The following TOR1AIP1 variants were observed in gnomAD, a reference collection of about 807,000 sequenced individuals.
TOR1AIP1 encodes the protein torsin 1A interacting protein 1.
A neutral mutation model predicts 63.3 loss-of-function variants in TOR1AIP1; 54 were observed. The observed-to-expected ratio is 0.85, with a 90% CI of 0.69 to 1.07. TOR1AIP1 has a LOEUF of 1.07. TOR1AIP1 is among the 50% of genes least tolerant of loss of function. TOR1AIP1 has a pLI of 0.00. For synonymous variants in TOR1AIP1, 294 were observed against 273.5 expected (o/e 1.07, Z -0.74); for missense variants, 736 against 715.0 (o/e 1.03, Z -0.33).
At chr1:179,884,900 C>G in intron 2 of TOR1AIP1, 131 bp downstream of exon 2, 1 of 587,324 alleles carries the variant, frequency 1.7e-6, no homozygotes, top group Non-Finnish European at 2.9e-6. Context: ...TACCAGCCAC[C>G]CATATAACCT....
chr1:179,898,843 C>T (rs974686252), intron 3 of TOR1AIP1, among the ~76,000 whole-genome samples: 1 of 151,608 alleles, frequency 6.6e-6, no homozygotes, highest in African/African-American at 2.4e-5. Flanking sequence ...GTACTTAATA[C>T]ACCAGAGTCT....
chr1:179,885,249 A>G (rs1398430285), intron 2 of TOR1AIP1, among the ~76,000 whole-genome samples: 1 of 152,240 alleles, frequency 6.6e-6, no homozygotes, highest in Non-Finnish European at 1.5e-5. Context: ...GCTATCGACT[A>G]TAAGAAACAC....
Position 179,911,933 on chromosome 1 carries a change from A to G in TOR1AIP1, c.908-2065A>G, listed in dbSNP as rs1388718358. Among the ~76,000 whole-genome samples, 4 of 148,050 alleles carry G rather than the reference A, an allele frequency of 2.7e-5. No homozygotes were observed. The East Asian group carries it at 5.9e-4, about 22-fold the overall frequency. ...GATGGTTGTAGAGTGATTGATTATC[A>G]CCATACTCTTTAGACTAGAAAAGCT... On this transcript the variant is annotated intron_variant, in intron 8 of 9. Transcript: ENST00000606911.
At chr1:179,901,179 A>C in intron 4 of TOR1AIP1, 123 bp from the exon 5 acceptor site, 1 of 504,366 alleles carries the variant, frequency 2.0e-6, no homozygotes. Flanking sequence ...AACAAACAGT[A>C]GTTCTATATC....
At chr1:179,909,929 A>G (rs1336430858) in intron 8 of TOR1AIP1, among the ~76,000 whole-genome samples, 1 of 152,044 alleles carries the variant, frequency 6.6e-6, no homozygotes, top group Non-Finnish European at 1.5e-5. Context: ...ATGCCCAGCT[A>G]ATATTTGTAC....
chr1:179,884,747 C>A lies in TOR1AIP1; in HGVS notation c.531C>A (p.Val177=). The part of the protein sequence containing the change: ...DLSQTISKKT[V]RSIQEAPVSE... ...GCCAAACGATCTCAAAGAAAACTGT[C>A]AGGAGCATACAAGAGGCTCCAGGTA... Residue 177 remains valine, a synonymous_variant, in exon 2 of 10, where the codon GTC becomes GTA. Transcript: ENST00000606911. The A allele has an allele frequency of 1.9e-6, 3 of 1,611,628 alleles. No individual in the cohort carries two copies. Among genetic ancestry groups the A allele is most frequent in the South Asian group, 1.1e-5 (1 of 90,498 alleles).
At chr1:179,903,267 A>G (rs1571731796) in intron 5 of TOR1AIP1, among the ~76,000 whole-genome samples, 2 of 152,210 alleles carry the variant, frequency 1.3e-5, no homozygotes, top group South Asian at 4.1e-4. Context: ...TTAAAAAAAA[A>G]GAAGAAGAAG....
chr1:179,887,103 A>C (rs946466933), intron 2 of TOR1AIP1, among the ~76,000 whole-genome samples: 3 of 152,236 alleles, frequency 2.0e-5, no homozygotes, highest in Admixed American at 2.0e-4. Flanking sequence ...AGATGCCCTT[A>C]CGAATAAAGA....
intron 4 of TOR1AIP1, chr1:179,900,565 TAAA>T (rs66464156): frequency 2.7e-4 from 40 of 145,502 alleles, no homozygotes; most frequent in Admixed American, 8.8e-4. Flanking sequence ...GCCCATCTCT[TAAA>T]AAAAAAAAAA....
At chr1:179,893,395 GC>G (rs1648169529) in intron 3 of TOR1AIP1, among the ~76,000 whole-genome samples, 2 of 152,016 alleles carry the variant, frequency 1.3e-5, no homozygotes, top group Admixed American at 1.3e-4. Context: ...CTTTCCTGCT[GC>G]CCCACTCTTG....
intron 3 of TOR1AIP1, among the ~76,000 whole-genome samples, chr1:179,893,268 A>C (rs1384371815): frequency 2.8e-5 from 4 of 143,728 alleles, no homozygotes; most frequent in Non-Finnish European, 4.4e-5. Flanking sequence ...AAACAAACAA[A>C]AAAAAAAAAG....
At position 179,883,056 on chromosome 1, in the gene TOR1AIP1, T is replaced by A. The variant is rs765892158; in HGVS notation, c.475+79T>A. The A allele has an allele frequency of 8.5e-6, 11 of 1,290,764 alleles. No homozygotes were observed. The South Asian group carries it at 1.1e-4, about 13-fold the overall frequency. The allele number at this position is 1,290,764 out of a possible 1,614,324, so 80.0% of individuals were successfully genotyped here. ...CGGGCGCGCGCCTCGGTGGAGCTCA[T>A]GCCCGCCTGGGTACTAAGTACTGGG... is the stretch of plus-strand genomic sequence containing the variant. On this transcript the variant is annotated intron_variant, in intron 1 of 9. Coordinates refer to ENST00000606911, the MANE Select transcript of TOR1AIP1 (RefSeq NM_015602.4).
At chr1:179,898,157 A>C (rs1648342311) in intron 3 of TOR1AIP1, among the ~76,000 whole-genome samples, 1 of 152,078 alleles carries the variant, frequency 6.6e-6, no homozygotes, top group Non-Finnish European at 1.5e-5. Flanking sequence ...AAGACTGATG[A>C]GGTGGTAGGA....
chr1:179,903,973 C>T lies in TOR1AIP1; in HGVS notation c.747C>T (p.Thr249=). ...SRDSDESGDK[T]TRSSSQYIES... is the part of the protein sequence containing the mutation. ...CTGTTTTTTATTTTTTAGATAAAACCACCAGATCATCTAGTCAATATATAG... is the reference window on the plus strand; with the variant it reads ...CTGTTTTTTATTTTTTAGATAAAACTACCAGATCATCTAGTCAATATATAG... The change falls in exon 6 of 10, where the codon ACC becomes ACT. Residue 249 remains threonine (T), a synonymous_variant. Transcript: ENST00000606911. 1 of 1,598,182 alleles carries T rather than the reference C, an allele frequency of 6.3e-7. No homozygotes were observed. Among genetic ancestry groups the T allele is most frequent in the Non-Finnish European group, 8.6e-7 (1 of 1,169,082 alleles).
At position 179,901,367 on chromosome 1, in the gene TOR1AIP1, A is replaced by G; in HGVS notation, c.718A>G (p.Arg240Gly). ...SSVTTVKARS[R>G]DSDESGDKTT... ...TGTCACTACTGTTAAGGCCAGATCC[A>G]GGGATTCTGATGAATCTGGAGGTAA... Residue 240 changes from arginine (R) to glycine (G), a missense_variant, in exon 5 of 10, where the codon AGG (arginine) becomes GGG (glycine). Coordinates refer to ENST00000606911, the MANE Select transcript of TOR1AIP1 (RefSeq NM_015602.4). 1 of 1,606,642 alleles carries G rather than the reference A, an allele frequency of 6.2e-7. No homozygotes were observed. The highest frequency in any genetic ancestry group is 8.5e-7 in the Non-Finnish European group (1 of 1,175,618).
intron 1 of TOR1AIP1, chr1:179,883,610 C>T (rs1454690788): frequency 6.6e-6 from 3 of 456,266 alleles, no homozygotes; most frequent in East Asian, 6.9e-5. Flanking sequence ...TGCTGTTTCT[C>T]CAGTGTGGTG....
At chr1:179,915,801 C>T (rs779714904) in intron 9 of TOR1AIP1, among the ~76,000 whole-genome samples, 11 of 152,106 alleles carry the variant, frequency 7.2e-5, no homozygotes, top group Non-Finnish European at 1.5e-4. Context: ...TGGGAGTTGT[C>T]AAGCTCATGG....
chr1:179,894,785 C>T (rs1184935954), intron 3 of TOR1AIP1, among the ~76,000 whole-genome samples: 1 of 152,108 alleles, frequency 6.6e-6, no homozygotes, highest in Non-Finnish European at 1.5e-5. Flanking sequence ...ATGTCTTTGT[C>T]CCCAGACAAA....
intron 5 of TOR1AIP1, among the ~76,000 whole-genome samples, chr1:179,902,965 G>A (rs941573667): frequency 4.0e-5 from 6 of 150,856 alleles, no homozygotes; most frequent in South Asian, 2.1e-4. Flanking sequence ...GTGATTGCGC[G>A]ATCGCACTTC....
Sources: allele counts gnomAD v4.1 joint callset (sites outside exome capture counted in the v4.1 genomes callset), GRCh38; gene constraint gnomAD v4.1.1; transcripts MANE v1.5; gene names NCBI Gene and HGNC (gene_info 2026-07-23, HGNC 2026-07-21).